Variants in SLC23A2 observed in about 807,000 individuals in gnomAD.
SLC23A2 encodes Na(+)/L-ascorbic acid transporter 2.
Under a neutral mutation model 73.3 loss-of-function variants are expected in SLC23A2, and 36 were observed. The observed-to-expected ratio is 0.49, with a 90% CI of 0.38 to 0.65. The LOEUF (loss-of-function observed/expected upper bound fraction) is 0.65, where lower values mean the gene tolerates loss of function less well. SLC23A2 is among the 30% of genes least tolerant of loss of function. The probability of loss-of-function intolerance (pLI) is 0.00; values close to 1 mark genes in which losing one functional copy is unlikely to be tolerated. For missense variants in SLC23A2, 507 were observed against 841.6 expected (o/e 0.60, Z 4.92); for synonymous variants, 343 against 327.3 (o/e 1.05, Z -0.52).
chr20:4,997,292 C>A (rs1480429753), intron 1 of SLC23A2, among the ~76,000 whole-genome samples: 1 of 152,150 alleles, frequency 6.6e-6, no homozygotes, highest in South Asian at 2.1e-4. Context: ...ACCAGCCTTA[C>A]AGTGGTCCGC....
At chr20:4,926,189 G>A (rs1323504242) in intron 3 of SLC23A2, among the ~76,000 whole-genome samples, 4 of 151,956 alleles carry the variant, frequency 2.6e-5, no homozygotes, top group South Asian at 2.1e-4. Context: ...GTTACTCGTC[G>A]GTCCATGCCG....
chr20:5,006,962 T>TGC (rs1221179700), intron 1 of SLC23A2, among the ~76,000 whole-genome samples: 1 of 146,656 alleles, frequency 6.8e-6, no homozygotes, highest in Non-Finnish European at 1.5e-5. Context: ...TGTGTGTGTG[T>TGC]GTGTGTGTGT....
At chr20:5,009,869 G>A (rs951930568) in intron 1 of SLC23A2, among the ~76,000 whole-genome samples, 14 of 152,154 alleles carry the variant, frequency 9.2e-5, no homozygotes, top group Non-Finnish European at 1.6e-4. Flanking sequence ...GCCGAGGCGG[G>A]CGGATCATGA....
Position 4,947,229 on chromosome 20 carries a change from A to T in SLC23A2, c.-154-14513T>A, listed in dbSNP as rs2087131393. 1.3e-5 allele frequency among the ~76,000 whole-genome samples: 2 copies of T among 152,206 alleles called. No individual in the cohort carries two copies. Among genetic ancestry groups the T allele is most frequent in the South Asian group, 4.1e-4 (2 of 4,830 alleles). ...GTGTCCAATGCATAAAAGGCATTCA[A>T]ATACTTGGGGAAATCCCTGACTCGT... On this transcript the variant is annotated intron_variant, in intron 2 of 16. Coordinates refer to ENST00000338244, the MANE Select transcript of SLC23A2 (RefSeq NM_005116.6). This position sits in a 1 kb window ranked among gnomAD's most constrained non-coding sequence, Gnocchi z 4.4.
At chr20:4,956,881 C>A (rs574876062) in intron 2 of SLC23A2, among the ~76,000 whole-genome samples, 1 of 148,384 alleles carries the variant, frequency 6.7e-6, no homozygotes, top group South Asian at 2.2e-4. Flanking sequence ...GATCTTGGCT[C>A]ACTGCAACCT....
At chr20:4,880,784 C>A (rs1012419086) in intron 9 of SLC23A2, among the ~76,000 whole-genome samples, 3 of 151,744 alleles carry the variant, frequency 2.0e-5, no homozygotes, top group Admixed American at 2.0e-4. Context: ...GGCCAAGAGA[C>A]GCAAGCAGAC....
At chr20:4,949,059 A>C (rs1022356799) in intron 2 of SLC23A2, among the ~76,000 whole-genome samples, 1 of 152,050 alleles carries the variant, frequency 6.6e-6, no homozygotes, top group Non-Finnish European at 1.5e-5. Flanking sequence ...GCCAAGACGG[A>C]TGGATTACCT....
At chr20:4,938,501 G>C (rs963285971) in intron 2 of SLC23A2, among the ~76,000 whole-genome samples, 2 of 152,062 alleles carry the variant, frequency 1.3e-5, no homozygotes, top group African/African-American at 4.8e-5. Context: ...ACCATGCCCA[G>C]CTAATTTCGT....
At chr20:4,909,698 C>T (rs767564959) in intron 4 of SLC23A2, among the ~76,000 whole-genome samples, 3 of 152,026 alleles carry the variant, frequency 2.0e-5, no homozygotes, top group South Asian at 2.1e-4. Flanking sequence ...GGATTACAGG[C>T]GAATGTCATG....
rs1039477850 is a variant in SLC23A2 at position 4,900,733 on chromosome 20, T to A, written c.325-1021A>T. 4.6e-5 allele frequency among the ~76,000 whole-genome samples: 7 copies of A among 152,158 alleles called. No homozygotes were observed. In the South Asian group the frequency reaches 1.4e-3, roughly 31 times the overall value. The stretch of plus-strand genomic sequence containing the variant: ...AGAAAGAACCCCATCCCACTTTCCT[T>A]TGGGAGTCCCCCCAACCCCCCGCCA... On this transcript the variant is annotated intron_variant, in intron 5 of 16. Coordinates refer to ENST00000338244, the MANE Select transcript of SLC23A2 (RefSeq NM_005116.6).
chr20:4,946,335 A>T (rs1420956474), intron 2 of SLC23A2, among the ~76,000 whole-genome samples: 1 of 152,120 alleles, frequency 6.6e-6, no homozygotes, highest in Non-Finnish European at 1.5e-5. Context: ...GTAGAAAAAA[A>T]GGGTCCCTGG....
chr20:4,893,430 C>G (rs186798885), intron 6 of SLC23A2, among the ~76,000 whole-genome samples: 11 of 152,286 alleles, frequency 7.2e-5, no homozygotes, highest in Admixed American at 3.9e-4. Flanking sequence ...CATACATATA[C>G]AGAAAGAGAA....
chr20:4,920,853 T>C (rs1479319971), intron 3 of SLC23A2, among the ~76,000 whole-genome samples: 1 of 152,198 alleles, frequency 6.6e-6, no homozygotes. Context: ...GTTCTCCCTC[T>C]ATTCCCTCAA....
chr20:4,951,588 A>G (rs2087203618), intron 2 of SLC23A2, among the ~76,000 whole-genome samples: 1 of 152,196 alleles, frequency 6.6e-6, no homozygotes, highest in South Asian at 2.1e-4. Context: ...GCAAATCCAG[A>G]GGCAGAAAGT....
chr20:4,980,718 T>C (rs2087713653), intron 1 of SLC23A2, among the ~76,000 whole-genome samples: 1 of 151,898 alleles, frequency 6.6e-6, no homozygotes, highest in Admixed American at 6.6e-5. Flanking sequence ...TTAGTAGAGA[T>C]GGGGTTTCAC....
intron 2 of SLC23A2, 41 bp from the exon 3 acceptor site, chr20:4,932,757 AAAC>A (rs1161177014): frequency 1.8e-6 from 1 of 562,178 alleles, no homozygotes; most frequent in Non-Finnish European, 3.2e-6. Context: ...CAAAGCATGA[AAAC>A]AACACAGGCC....
rs535497449 is a variant in SLC23A2, at chr20:4,942,685, T to C, written c.-154-9969A>G. On this transcript the variant is annotated intron_variant, in intron 2 of 16. Transcript: ENST00000338244. ...GGAAACAGAGTCACCCCTCTCACTG[T>C]GGCTTAGCAGGGCCACCTGAAGGAG... Among the ~76,000 whole-genome samples, 7 of 152,366 alleles carry C rather than the reference T, an allele frequency of 4.6e-5. No individual in the cohort carries two copies. In the South Asian group the frequency reaches 1.0e-3, roughly 23 times the overall value.
chr20:4,877,266 TACTC>T (rs576129300), intron 9 of SLC23A2, among the ~76,000 whole-genome samples: 2 of 152,218 alleles, frequency 1.3e-5, no homozygotes, highest in Non-Finnish European at 2.9e-5. Flanking sequence ...TTGCTTCTAA[TACTC>T]AGTCTTTTCA....
At chr20:4,972,815 C>T (rs1035979237) in intron 1 of SLC23A2, among the ~76,000 whole-genome samples, 8 of 148,618 alleles carry the variant, frequency 5.4e-5, no homozygotes, top group African/African-American at 2.1e-4. Context: ...TTGAACTCGA[C>T]CTTAGGTGAT....
Sources: gnomAD v4.1 joint callset for allele counts (sites outside exome capture counted in the v4.1 genomes callset) on GRCh38, gnomAD v4.1.1 for gene constraint, Gnocchi (gnomAD v3.1) non-coding constraint, MANE v1.5 for transcripts, NCBI Gene and HGNC (gene_info 2026-07-23, HGNC 2026-07-21) for gene names.